TANC1: variants seen among roughly 807,000 people sequenced by gnomAD.
The protein encoded by TANC1 is protein TANC1.
In TANC1, 77 loss-of-function variants were observed where a neutral mutation model predicts 149.7. That is an observed-to-expected ratio of 0.51 (90% confidence interval 0.43 to 0.62). The LOEUF is 0.62. Ranked by LOEUF, TANC1 falls within the 20% of genes least tolerant of loss-of-function variation. The probability of loss-of-function intolerance (pLI) is 0.00; values close to 1 mark genes in which losing one functional copy is unlikely to be tolerated. For missense variants in TANC1, 1,985 were observed against 2,321.8 expected, an observed-to-expected ratio of 0.85 and a Z score of 2.98; for synonymous variants, 854 against 925.0, an observed-to-expected ratio of 0.92 and a Z score of 1.39.
chr2:159,144,004 C>T (rs766127230), intron 5 of TANC1, among the ~76,000 whole-genome samples: 19 of 151,202 alleles, frequency 1.3e-4, no homozygotes, highest in Non-Finnish European at 2.4e-4. Context: ...AGACATAACC[C>T]TCCTAAGCCT....
intron 22 of TANC1, among the ~76,000 whole-genome samples, chr2:159,220,104 G>A (rs2059604152): frequency 6.6e-6 from 1 of 151,296 alleles, no homozygotes; most frequent in Non-Finnish European, 1.5e-5. Context: ...ACTCTTAAAA[G>A]CTTAAAAATA....
chr2:159,229,234 G>A (rs1196550351), intron 26 of TANC1, among the ~76,000 whole-genome samples: 1 of 152,194 alleles, frequency 6.6e-6, no homozygotes, highest in East Asian at 1.9e-4. Flanking sequence ...GTGGGGAAGA[G>A]TGATATAAGC....
intron 3 of TANC1, among the ~76,000 whole-genome samples, chr2:159,083,016 G>A (rs988313679): frequency 6.6e-6 from 1 of 152,174 alleles, no homozygotes; most frequent in Admixed American, 6.5e-5. Context: ...CACAATCTCA[G>A]CTCACTGCAA....
chr2:159,128,981 T>G (rs2049791837), intron 4 of TANC1, among the ~76,000 whole-genome samples: 1 of 152,164 alleles, frequency 6.6e-6, no homozygotes, highest in African/African-American at 2.4e-5. Flanking sequence ...CCTCATCTTG[T>G]GAAATTTCCC....
At chr2:159,021,859 G>A (rs1437034882) in intron 2 of TANC1, among the ~76,000 whole-genome samples, 4 of 152,192 alleles carry the variant, frequency 2.6e-5, no homozygotes, top group Non-Finnish European at 5.9e-5. Flanking sequence ...TTAAGGACTA[G>A]AGTCTGCTAT....
chr2:159,094,281 C>T (rs886246344), intron 3 of TANC1, among the ~76,000 whole-genome samples: 1 of 152,174 alleles, frequency 6.6e-6, no homozygotes, highest in African/African-American at 2.4e-5. Flanking sequence ...CATGGAAAAC[C>T]AGTGTCACCT....
chr2:159,077,208 C>T (rs1258444365), intron 3 of TANC1, among the ~76,000 whole-genome samples: 1 of 149,568 alleles, frequency 6.7e-6, no homozygotes, highest in Non-Finnish European at 1.5e-5. Flanking sequence ...AGGCGTGCAG[C>T]TCTACACCTG....
rs756589861 is a variant in TANC1 at position 159,065,890 on chromosome 2, C to T, written c.-15-6C>T. 22 of 1,610,232 alleles carry T rather than the reference C, an allele frequency of 1.4e-5. No homozygotes were observed. The highest frequency in any genetic ancestry group is 2.2e-5 in the East Asian group (1 of 44,886). ...TTCCTCTTCTCTCTGTTTCTTTTCT[C>T]CTTAGAAACAAGTGTTGAAAATGTT... On this transcript the variant is annotated splice_polypyrimidine_tract_variant and splice_region_variant and intron_variant, in intron 2 of 26. Transcript: ENST00000263635.
intron 4 of TANC1, among the ~76,000 whole-genome samples, chr2:159,117,701 C>CTTTTTTTTTTT (rs59509568): frequency 2.6e-5 from 3 of 113,282 alleles, no homozygotes. Context: ...CGGCCTATTC[C>CTTTTTTTTTTT]TTTTTTTTTT....
At chr2:159,219,062 G>T (rs1489335407) in intron 20 of TANC1, among the ~76,000 whole-genome samples, 176 bp from the exon 21 acceptor site, 2 of 152,204 alleles carry the variant, frequency 1.3e-5, no homozygotes, top group Non-Finnish European at 2.9e-5. Flanking sequence ...TTTTGGAAAA[G>T]GTTCTGTTCA....
At chr2:159,141,785 T>A (rs775926579) in intron 5 of TANC1, among the ~76,000 whole-genome samples, 7 of 152,168 alleles carry the variant, frequency 4.6e-5, no homozygotes, top group Non-Finnish European at 8.8e-5. Context: ...ATTTATGAGC[T>A]GGGACTAAGG....
Position 159,149,043 on chromosome 2 carries a change from C to T in TANC1, c.365-99C>T, listed in dbSNP as rs1377285393. On this transcript the variant is annotated intron_variant, in intron 5 of 26. Coordinates refer to ENST00000263635, the MANE Select transcript of TANC1 (RefSeq NM_033394.3). The stretch of plus-strand genomic sequence containing the variant: ...TTTGTGCGCATTTTATAGAAACACA[C>T]AAAATCACCAGACAAAGCAGCTGTA... The T allele has an allele frequency of 2.2e-5, 30 of 1,391,422 alleles. No homozygotes were observed. In the East Asian group the frequency reaches 6.3e-4, roughly 29 times the overall value. The allele number at this position is 1,391,422 out of a possible 1,614,324, so 86.2% of individuals were successfully genotyped here. A position where few individuals can be genotyped will look rare whatever the true frequency, so the allele number is the denominator to read the frequency against.
At chr2:159,117,580 T>C (rs1458782963) in intron 4 of TANC1, among the ~76,000 whole-genome samples, 2 of 151,802 alleles carry the variant, frequency 1.3e-5, no homozygotes, top group Non-Finnish European at 2.9e-5. Flanking sequence ...TATTTTTTAA[T>C]AGAGACGGGG....
rs776723301 is a variant in TANC1 at position 159,150,457 on chromosome 2, T to G, written c.583T>G (p.Leu195Val). ...SPSTDSPCST[L>V]NSCVSKTAAN... is the part of the protein sequence containing the mutation. ...TAGCACCGATAGCCCCTGCTCAACC[T>G]TGAATAGCTGTGTCAGCAAGACGGC... Residue 195 changes from leucine (L) to valine (V), a missense_variant, in exon 7 of 27, where the codon TTG becomes GTG. By Grantham distance (32) the Leu-to-Val change is conservative (BLOSUM62 1). This residue lies in a region of TANC1 where 557 missense variants were observed against 612.9 expected (regional missense o/e 0.91). Transcript: ENST00000263635. The G allele has an allele frequency of 6.2e-7, 1 of 1,614,120 alleles. No individual in the cohort carries two copies. Among genetic ancestry groups the G allele is most frequent in the Non-Finnish European group, 8.5e-7 (1 of 1,180,002 alleles).
intron 3 of TANC1, among the ~76,000 whole-genome samples, chr2:159,072,907 G>A (rs1030284566): frequency 2.0e-4 from 30 of 152,166 alleles, no homozygotes; most frequent in African/African-American, 6.5e-4. Context: ...GGATACTAAA[G>A]GCTCTTCTCC....
At chr2:159,142,399 A>T (rs536676163) in intron 5 of TANC1, among the ~76,000 whole-genome samples, 2 of 152,366 alleles carry the variant, frequency 1.3e-5, no homozygotes, top group South Asian at 4.1e-4. Context: ...ATGTCAAGGC[A>T]CTGGCTACAC....
At chr2:159,117,460 A>G (rs1053354529) in intron 4 of TANC1, among the ~76,000 whole-genome samples, 8 of 151,888 alleles carry the variant, frequency 5.3e-5, no homozygotes, top group African/African-American at 1.7e-4. Flanking sequence ...CAGTGGTGCA[A>G]TCTCGGCTCA....
intron 4 of TANC1, among the ~76,000 whole-genome samples, chr2:159,115,187 TG>T (rs1442311369): frequency 3.3e-5 from 5 of 151,766 alleles, no homozygotes; most frequent in East Asian, 1.9e-4. Flanking sequence ...TGTGTGTGTG[TG>T]TGTGTGTGTA....
At chr2:159,049,853 A>G (rs1432042307) in intron 2 of TANC1, among the ~76,000 whole-genome samples, 2 of 152,082 alleles carry the variant, frequency 1.3e-5, no homozygotes, top group African/African-American at 4.8e-5. Context: ...GGACATGTTG[A>G]GGTATGTGAG....
Sources: allele counts gnomAD v4.1 joint callset (sites outside exome capture counted in the v4.1 genomes callset), GRCh38; gene constraint gnomAD v4.1.1; regional missense constraint gnomAD v4.1.1; transcripts MANE v1.5; gene names NCBI Gene and HGNC (gene_info 2026-07-23, HGNC 2026-07-21).